Variants in NAV2 observed in about 807,000 individuals in gnomAD.
NAV2 encodes the protein helicase, APC down-regulated 1.
In NAV2, 54 loss-of-function variants were observed where a neutral mutation model predicts 223.2. The ratio of observed to expected loss-of-function variants is 0.24; its 90% confidence interval spans 0.19 to 0.30. NAV2 has a LOEUF of 0.30. Ranked by LOEUF, NAV2 falls within the 10% of genes least tolerant of loss-of-function variation. NAV2 has a pLI of 1.00. For synonymous variants in NAV2, 1,279 were observed against 1,239.3 expected, an observed-to-expected ratio of 1.03 and a Z score of -0.67; for missense variants, 2,806 against 3,147.5, an observed-to-expected ratio of 0.89 and a Z score of 2.60.
At chr11:20,107,637 C>CT (rs1194411392) in intron 35 of NAV2, 27 bp from the exon 36 acceptor site, 2 of 1,554,788 alleles carry the variant, frequency 1.3e-6, no homozygotes, top group African/African-American at 2.7e-5. Context: ...CATTTGAGTG[C>CT]TAATGTATTT....
intron 12 of NAV2, among the ~76,000 whole-genome samples, chr11:20,037,311 T>C (rs1321478374): frequency 2.0e-5 from 3 of 151,166 alleles, no homozygotes; most frequent in Non-Finnish European, 4.4e-5. Flanking sequence ...TTCATACAGA[T>C]AGGAGCTGAT....
upstream of NAV2, among the ~76,000 whole-genome samples, chr11:19,349,342 C>T (rs890648201): frequency 4.6e-5 from 7 of 152,204 alleles, no homozygotes; most frequent in Non-Finnish European, 7.3e-5. Flanking sequence ...TCCTCCTCCT[C>T]CCCCCTCACA....
chr11:20,071,160 G>A (rs2059385715), intron 22 of NAV2, among the ~76,000 whole-genome samples: 1 of 128,832 alleles, frequency 7.8e-6, no homozygotes, highest in Non-Finnish European at 1.5e-5. Context: ...ATGTATCCAT[G>A]TGCCATGTGT....
intron 4 of NAV2, among the ~76,000 whole-genome samples, chr11:19,871,575 G>T (rs1294660160): frequency 6.6e-6 from 1 of 152,066 alleles, no homozygotes; most frequent in East Asian, 1.9e-4. Context: ...GGGCACTAGT[G>T]GTCTTCTGTG....
chr11:19,499,964 T>A (rs1332153460), intron 1 of NAV2, among the ~76,000 whole-genome samples: 1 of 151,894 alleles, frequency 6.6e-6, no homozygotes, highest in Non-Finnish European at 1.5e-5. Context: ...GTGGCCCTGA[T>A]TCTATATATA....
At chr11:19,709,231 C>T (rs971566193), upstream of NAV2, among the ~76,000 whole-genome samples, 4 of 151,986 alleles carry the variant, frequency 2.6e-5, no homozygotes, top group East Asian at 3.9e-4. Context: ...GAAAAATGAA[C>T]GTTTATAGAA....
chr11:19,427,266 G>T lies in NAV2; in HGVS notation c.75+76239G>T, dbSNP rs144172170. ...GGCAATACTCTCACACTTGACGTGG[G>T]CTATAAATGAGATAATGCATATAAA... On this transcript the variant is annotated intron_variant, in intron 1 of 37. Transcript: ENST00000360655. Among the ~76,000 whole-genome samples the T allele has an allele frequency of 2.1e-3, 319 of 152,354 alleles. 2 individuals are homozygous for T. Among genetic ancestry groups the T allele is most frequent in the Non-Finnish European group, 1.7e-3 (116 of 68,042 alleles).
At chr11:19,491,915 A>C (rs925058251) in intron 1 of NAV2, among the ~76,000 whole-genome samples, 2 of 151,688 alleles carry the variant, frequency 1.3e-5, no homozygotes, top group African/African-American at 4.8e-5. Flanking sequence ...TAATTGGCCT[A>C]ATTTTAGTAT....
At chr11:19,860,337 T>C (rs1179754162) in intron 3 of NAV2, among the ~76,000 whole-genome samples, 1 of 106,444 alleles carries the variant, frequency 9.4e-6, no homozygotes, top group African/African-American at 4.0e-5. Context: ...AGGCAGAGGG[T>C]CTCCTCACTT....
rs756829298 is a variant in NAV2 at position 19,879,958 on chromosome 11, C to T, written c.601C>T (p.His201Tyr). 4.3e-6 allele frequency: 7 copies of T among 1,613,168 alleles called. No individual in the cohort carries two copies. The highest frequency in any genetic ancestry group is 5.1e-6 in the Non-Finnish European group (6 of 1,179,862). Residue 201 changes from histidine (H) to tyrosine (Y), a missense_variant, in exon 5 of 38, where the codon CAC becomes TAC. His to Tyr is a moderately conservative substitution (Grantham distance 83). Coordinates refer to ENST00000349880, the MANE Select transcript of NAV2 (RefSeq NM_145117.5). ...GCAGCAGCAGCAGCCCCAGAAGCAG[C>T]ACCTCTCCTCACCTCTGCCGCCCGC... ...KQQQQQPQKQHLSSPLPPAVS... is the reference protein window; with the variant it reads ...KQQQQQPQKQYLSSPLPPAVS...
At chr11:19,779,980 A>G (rs536297866) in intron 1 of NAV2, among the ~76,000 whole-genome samples, 1 of 152,202 alleles carries the variant, frequency 6.6e-6, no homozygotes, top group Non-Finnish European at 1.5e-5. Context: ...TCACTGATGC[A>G]CTTCAATAAA....
At chr11:19,860,274 C>A (rs2061672163) in intron 3 of NAV2, among the ~76,000 whole-genome samples, 1 of 134,162 alleles carries the variant, frequency 7.5e-6, no homozygotes, top group Admixed American at 7.2e-5. Flanking sequence ...ACTTCTCAGA[C>A]GGGGCGGCTG....
chr11:19,657,641 G>C (rs546135030), intron 1 of NAV2, among the ~76,000 whole-genome samples: 1 of 152,258 alleles, frequency 6.6e-6, no homozygotes, highest in Middle Eastern at 3.4e-3. Context: ...TACCAGGCAG[G>C]GTAGACCAGA....
intron 1 of NAV2, among the ~76,000 whole-genome samples, chr11:19,466,676 G>A: frequency 6.6e-6 from 1 of 152,174 alleles, no homozygotes; most frequent in East Asian, 1.9e-4. Context: ...GAAGCCACGG[G>A]ATGAACCCAG....
At chr11:19,358,515 G>T (rs934791710) in intron 1 of NAV2, among the ~76,000 whole-genome samples, 36 of 152,154 alleles carry the variant, frequency 2.4e-4, no homozygotes, top group Non-Finnish European at 4.6e-4. Context: ...GTTACCCAAA[G>T]CTGTATCCAT....
intron 3 of NAV2, among the ~76,000 whole-genome samples, chr11:19,850,983 C>T (rs1352630299): frequency 1.3e-5 from 2 of 152,186 alleles, no homozygotes; most frequent in African/African-American, 4.8e-5. Context: ...CTCATTCTTT[C>T]CCCTCACACA....
At chr11:19,502,453 G>A (rs1429335674) in intron 1 of NAV2, among the ~76,000 whole-genome samples, 2 of 152,182 alleles carry the variant, frequency 1.3e-5, no homozygotes, top group Admixed American at 6.5e-5. Flanking sequence ...AGGCAGGTAC[G>A]CTTTGCTGAT....
At chr11:19,711,901 G>A (rs890628497), upstream of NAV2, 2 of 152,190 alleles carry the variant, frequency 1.3e-5, no homozygotes, top group African/African-American at 4.8e-5. Context: ...TTATAAGCAT[G>A]CATGTAAGCT....
chr11:19,733,867 T>C (rs548213986), intron 1 of NAV2, among the ~76,000 whole-genome samples: 1 of 152,278 alleles, frequency 6.6e-6, no homozygotes, highest in African/African-American at 2.4e-5. Flanking sequence ...GTTGTGATAG[T>C]GATAGTGATG....
Sources: gnomAD v4.1 joint callset for allele counts (sites outside exome capture counted in the v4.1 genomes callset) on GRCh38, gnomAD v4.1.1 for gene constraint, MANE v1.5 for transcripts, NCBI Gene and HGNC (gene_info 2026-07-23, HGNC 2026-07-21) for gene names.